Variants in PIP4K2B observed in about 807,000 individuals in gnomAD.
The protein encoded by PIP4K2B is phosphatidylinositol-5-phosphate 4-kinase type 2 beta.
Under a neutral mutation model 42.0 loss-of-function variants are expected in PIP4K2B, and 3 were observed. That is an observed-to-expected ratio of 0.07 (90% confidence interval 0.03 to 0.18). The LOEUF (loss-of-function observed/expected upper bound fraction) is 0.18. PIP4K2B is among the 10% of genes least tolerant of loss of function. The pLI is 1.00. For missense variants in PIP4K2B, 332 were observed against 562.3 expected (o/e 0.59, Z 4.14); for synonymous variants, 204 against 210.1 (o/e 0.97, Z 0.25).
intron 7 of PIP4K2B, chr17:38,776,121 C>A (rs1294322775): frequency 2.5e-6 from 1 of 395,040 alleles, no homozygotes; most frequent in South Asian, 1.8e-5. Flanking sequence ...CAGGCGTGCA[C>A]CACCATGCCC....
chr17:38,773,676 G>A (rs150754510), intron 7 of PIP4K2B, among the ~76,000 whole-genome samples: 54 of 152,230 alleles, frequency 3.5e-4, no homozygotes, highest in African/African-American at 1.3e-3. Flanking sequence ...CTCTATGCAC[G>A]AGCCCAGAAC....
At chr17:38,777,498 T>C (rs1396808110) in intron 7 of PIP4K2B, among the ~76,000 whole-genome samples, 189 bp downstream of exon 7, 2 of 152,216 alleles carry the variant, frequency 1.3e-5, no homozygotes, top group Non-Finnish European at 2.9e-5. Context: ...TGGCGCCAAC[T>C]ATGCTCCGTC....
At chr17:38,796,257 A>G (rs1007558466) in intron 1 of PIP4K2B, among the ~76,000 whole-genome samples, 1 of 152,236 alleles carries the variant, frequency 6.6e-6, no homozygotes, top group African/African-American at 2.4e-5. Context: ...TGGAACTCTT[A>G]TACACTGCTG....
At chr17:38,785,852 T>C (rs536221131) in intron 2 of PIP4K2B, among the ~76,000 whole-genome samples, 199 of 152,300 alleles carry the variant, frequency 1.3e-3, no homozygotes, top group African/African-American at 4.6e-3. Context: ...AATGCCCACT[T>C]CGAGAACCCG....
At chr17:38,786,653 AC>A (rs1910027847) in intron 2 of PIP4K2B, among the ~76,000 whole-genome samples, 169 bp downstream of exon 2, 1 of 152,232 alleles carries the variant, frequency 6.6e-6, no homozygotes, top group East Asian at 1.9e-4. Context: ...GATGAGAGGC[AC>A]ATAACGAATG....
chr17:38,771,146 C>T lies in PIP4K2B; in HGVS notation c.934G>A (p.Val312Met). 6.2e-7 allele frequency: 1 copy of T among 1,614,104 alleles called. No homozygotes were observed. Among genetic ancestry groups the T allele is most frequent in the Non-Finnish European group, 8.5e-7 (1 of 1,180,014 alleles). Reference protein sequence around the residue: ...AEDEECENDGVGGNLLCSYGT... With the variant: ...AEDEECENDGMGGNLLCSYGT... Reference sequence around the variant, plus strand: ...TAGGAGCAGAGTAGGTTGCCACCCACCCCATCATTCTCACACTCCTCGTCC... The same window carrying T: ...TAGGAGCAGAGTAGGTTGCCACCCATCCCATCATTCTCACACTCCTCGTCC... The change falls in exon 8 of 10, where the codon GTG (valine) becomes ATG (methionine). Residue 312 changes from valine (V) to methionine (M), a missense_variant. This residue lies in a region of PIP4K2B where 63 missense variants were observed against 71.6 expected (regional missense o/e 0.88). Transcript: ENST00000619039.
intron 1 of PIP4K2B, among the ~76,000 whole-genome samples, chr17:38,789,183 A>G (rs2143453293): frequency 6.6e-6 from 1 of 152,306 alleles, no homozygotes; most frequent in African/African-American, 2.4e-5. Context: ...ACACTAAACT[A>G]AGGGAGATGG....
intron 3 of PIP4K2B, among the ~76,000 whole-genome samples, chr17:38,781,730 T>C (rs1909729400): frequency 6.6e-6 from 1 of 151,958 alleles, no homozygotes; most frequent in South Asian, 2.1e-4. Flanking sequence ...TTTCCCAGGC[T>C]GGTCTAGAAC....
chr17:38,776,265 T>G (rs953429197), intron 7 of PIP4K2B, among the ~76,000 whole-genome samples: 10 of 152,162 alleles, frequency 6.6e-5, no homozygotes, highest in Non-Finnish European at 1.2e-4. Flanking sequence ...CCACCTCGCT[T>G]GGCTGTTTGC....
chr17:38,768,433 T>A lies in PIP4K2B; in HGVS notation c.*1258A>T, dbSNP rs541987839. ...AAACAGCCCCAAGGCTGAGGCCAGG[T>A]CAAAACCCACATCAAGCCTCCAAAC... On this transcript the variant is annotated 3_prime_UTR_variant, in exon 10 of 10. Coordinates refer to ENST00000619039, the MANE Select transcript of PIP4K2B (RefSeq NM_003559.5). The A allele has an allele frequency of 2.6e-5, 4 of 152,964 alleles. No individual in the cohort carries two copies. Among genetic ancestry groups the A allele is most frequent in the African/African-American group, 9.6e-5 (4 of 41,580 alleles). 9.5% of individuals were successfully genotyped at this position (152,964 alleles called of 1,614,324 possible). A position where few individuals can be genotyped will look rare whatever the true frequency, so the allele number is the denominator to read the frequency against.
intron 1 of PIP4K2B, among the ~76,000 whole-genome samples, chr17:38,797,452 A>G (rs1349292489): frequency 6.6e-6 from 1 of 152,192 alleles, no homozygotes; most frequent in Non-Finnish European, 1.5e-5. Context: ...AAGAAACAGG[A>G]GGCAAAGAAA....
At chr17:38,771,586 G>A (rs917909126) in intron 7 of PIP4K2B, among the ~76,000 whole-genome samples, 7 of 151,454 alleles carry the variant, frequency 4.6e-5, no homozygotes, top group African/African-American at 1.5e-4. Flanking sequence ...GGAGCTGTGG[G>A]AGTTTACAGT....
At position 38,799,281 on chromosome 17, in the gene PIP4K2B, C is replaced by G. The variant is rs148365265; in HGVS notation, c.144G>C (p.Trp48Cys). ...ASEPILSVLM[W>C]GVNHTINELS... ...AGCTGGTTACCGTGTGGTTCACCCC[C>G]CACATCAGGACGCTGAGGATCGGCT... Residue 48 changes from tryptophan (W) to cysteine (C), a missense_variant, in exon 1 of 10, where the codon TGG becomes TGC. Trp to Cys is a radical substitution (Grantham distance 215, BLOSUM62 -2). This residue lies in a region of PIP4K2B where 186 missense variants were observed against 288.4 expected (regional missense o/e 0.64). Transcript: ENST00000619039. The surrounding 1 kb of genome is among the most constrained non-coding windows in gnomAD (Gnocchi z 4.4). The G allele has an allele frequency of 1.2e-6, 2 of 1,603,782 alleles. No individual in the cohort carries two copies. The highest frequency in any genetic ancestry group is 2.3e-5 in the East Asian group (1 of 43,916).
intron 2 of PIP4K2B, among the ~76,000 whole-genome samples, 190 bp from the exon 3 acceptor site, chr17:38,784,529 C>T (rs1189364585): frequency 1.3e-5 from 2 of 152,156 alleles, no homozygotes; most frequent in Non-Finnish European, 2.9e-5. Flanking sequence ...AGCCACCACA[C>T]CCAGCCTCAT....
At chr17:38,787,187 C>T (rs969083352) in intron 1 of PIP4K2B, among the ~76,000 whole-genome samples, 2 of 152,110 alleles carry the variant, frequency 1.3e-5, no homozygotes, top group African/African-American at 4.8e-5. Flanking sequence ...AGGTGCACAT[C>T]ACCACGCCCA....
intron 5 of PIP4K2B, 50 bp from the exon 6 acceptor site, chr17:38,778,422 T>G: frequency 6.4e-7 from 1 of 1,557,056 alleles, no homozygotes; most frequent in Non-Finnish European, 8.9e-7. Context: ...CAAAGTCGAC[T>G]GCATGAGCAA....
intron 7 of PIP4K2B, chr17:38,776,638 AAAAC>A (rs1013892092): frequency 9.6e-5 from 42 of 439,228 alleles, no homozygotes; most frequent in African/African-American, 5.0e-4. Flanking sequence ...AAAAAAAAAC[AAAAC>A]AAACAAACAA....
chr17:38,775,073 C>T (rs1353626737), intron 7 of PIP4K2B, among the ~76,000 whole-genome samples: 1 of 151,718 alleles, frequency 6.6e-6, no homozygotes, highest in Non-Finnish European at 1.5e-5. Context: ...CCTCAGCCTC[C>T]CGAGTAGCTG....
In PIP4K2B at chr17:38,799,161, G is replaced by A; in HGVS notation, c.159+105C>T. ...TGGGCGTGCAAGTGGCTTGGCGAGG[G>A]GTGGCAGGCGTCACCGGCAGGGCCT... On this transcript the variant is annotated intron_variant, in intron 1 of 9. Transcript: ENST00000619039. The surrounding 1 kb of genome is among the most constrained non-coding windows in gnomAD (Gnocchi z 4.4). 3 of 1,231,292 alleles carry A rather than the reference G, an allele frequency of 2.4e-6. No homozygotes were observed. The highest frequency in any genetic ancestry group is 3.3e-5 in the South Asian group (2 of 60,750). The allele number at this position is 1,231,292 out of a possible 1,614,324, so 76.3% of individuals were successfully genotyped here.
Sources: allele counts gnomAD v4.1 joint callset (sites outside exome capture counted in the v4.1 genomes callset), GRCh38; gene constraint gnomAD v4.1.1; regional missense constraint gnomAD v4.1.1; non-coding constraint Gnocchi (gnomAD v3.1); transcripts MANE v1.5; gene names NCBI Gene and HGNC (gene_info 2026-07-23, HGNC 2026-07-21).